HELB: variants seen among roughly 807,000 people sequenced by gnomAD.
HELB encodes DNA helicase B.
HELB carries 96 observed loss-of-function variants against 101.7 expected under a neutral mutation model. The observed-to-expected ratio is 0.94, with a 90% confidence interval of 0.80 to 1.12. HELB has a LOEUF of 1.12. HELB is among the 50% of genes most tolerant of loss of function. The probability of loss-of-function intolerance (pLI) is 0.00; values close to 1 mark genes in which losing one functional copy is unlikely to be tolerated. For synonymous variants in HELB, 437 were observed against 459.7 expected (o/e 0.95, Z 0.63); for missense variants, 1,210 against 1,291.9 (o/e 0.94, Z 0.97).
chr12:66,342,283 T>A (rs2137025281), downstream of HELB: 1 of 152,328 alleles, frequency 6.6e-6, no homozygotes, highest in Middle Eastern at 3.4e-3. Context: ...TTGAATTATC[T>A]TGGTACCCTT....
In HELB at chr12:66,331,596, A is replaced by C. The variant is rs143444957; in HGVS notation, c.3113A>C (p.Lys1038Thr). Residue 1038 changes from lysine (K) to threonine (T), a missense_variant, in exon 12 of 13, where the codon AAA becomes ACA. Lys to Thr is a moderately conservative substitution (Grantham distance 78). This residue lies in a region of HELB where 740 missense variants were observed against 728.8 expected (regional missense o/e 1.02). Transcript: ENST00000247815. ...DDDLPKSRAS[K>T]RTCGVNDDES... ...GATTTACCAAAATCGCGAGCATCCA[A>C]AAGAACCTGTGGTGTGAATGATGAT... 58 of 1,611,150 alleles carry C rather than the reference A, an allele frequency of 3.6e-5. No individual in the cohort carries two copies. In the African/African-American group the frequency reaches 7.1e-4, roughly 20 times the overall value.
Position 66,309,901 on chromosome 12 carries a change from C to T in HELB, c.973C>T (p.His325Tyr), listed in dbSNP as rs533284155. 27 of 1,613,898 alleles carry T rather than the reference C, an allele frequency of 1.7e-5. No individual in the cohort carries two copies. The highest frequency in any genetic ancestry group is 2.1e-5 in the Non-Finnish European group (25 of 1,179,888). Residue 325 changes from histidine (H) to tyrosine (Y), a missense_variant, in exon 4 of 13, where the codon CAT (histidine) becomes TAT (tyrosine). By Grantham distance (83) the His-to-Tyr change is moderately conservative (BLOSUM62 2). Transcript: ENST00000247815. The stretch of plus-strand genomic sequence containing the variant: ...TGACTTAACTTTGACATTGTCAAAT[C>T]ATATGTCATTTCATGCTGCTTCAGA... The part of the protein sequence containing the change: ...VNDLTLTLSN[H>Y]MSFHAASESL...
In HELB at chr12:66,331,430, G is replaced by A; in HGVS notation, c.2947G>A (p.Ala983Thr). 6.2e-7 allele frequency: 1 copy of A among 1,614,204 alleles called. No individual in the cohort carries two copies. Among genetic ancestry groups the A allele is most frequent in the Non-Finnish European group, 8.5e-7 (1 of 1,180,040 alleles). ...GDSGGPSTPS[A>T]SPLPVVTDHA... ...CAGTGGAGGACCCAGCACACCGTCAGCATCTCCACTCCCTGTAGTCACAGA... is the reference window on the plus strand; with the variant it reads ...CAGTGGAGGACCCAGCACACCGTCAACATCTCCACTCCCTGTAGTCACAGA... The change falls in exon 12 of 13, where the codon GCA (alanine) becomes ACA (threonine). Residue 983 changes from alanine (A) to threonine (T), a missense_variant. Physicochemically the swap from Ala to Thr is moderately conservative, Grantham distance 58. Around this residue, in one of 2 missense-constraint regions of HELB, gnomAD observed 740 missense variants for 728.8 expected, o/e 1.02. Coordinates refer to ENST00000247815, the MANE Select transcript of HELB (RefSeq NM_001370285.1).
chr12:66,334,798 A>AATAC (rs1470495000), intron 12 of HELB, among the ~76,000 whole-genome samples: 60 of 151,446 alleles, frequency 4.0e-4, no homozygotes, highest in African/African-American at 1.5e-3. Flanking sequence ...TAAATAAATA[A>AATAC]ATACATACAT....
intron 11 of HELB, among the ~76,000 whole-genome samples, chr12:66,328,908 G>T (rs894907718): frequency 6.6e-6 from 1 of 152,016 alleles, no homozygotes; most frequent in African/African-American, 2.4e-5. Flanking sequence ...ATTTTAAGCT[G>T]CATATATGAC....
intron 2 of HELB, among the ~76,000 whole-genome samples, chr12:66,306,115 T>G (rs554622033): frequency 9.8e-5 from 15 of 152,342 alleles, no homozygotes; most frequent in Admixed American, 2.0e-4. Context: ...AAATCATTAT[T>G]TAAGCATTTA....
rs566436252 is a variant in HELB at position 66,316,245 on chromosome 12, A to G, written c.2000+862A>G. Among the ~76,000 whole-genome samples the G allele has an allele frequency of 8.5e-5, 13 of 152,274 alleles. No individual in the cohort carries two copies. The South Asian group carries it at 2.7e-3, about 32-fold the overall frequency. On this transcript the variant is annotated intron_variant, in intron 6 of 12. Transcript: ENST00000247815. ...ATCCAGGTTTGTGTAAGTACACTCT[A>G]TGCTATTCACACGACGATGAACATT... is the stretch of plus-strand genomic sequence containing the variant.
intron 3 of HELB, among the ~76,000 whole-genome samples, chr12:66,307,856 G>A (rs1405131433): frequency 1.3e-5 from 2 of 150,396 alleles, no homozygotes; most frequent in Admixed American, 6.6e-5. Context: ...CTCAGCTCCC[G>A]AATAGCTGGG....
At chr12:66,340,767 G>A (rs114053637), downstream of HELB, 160 of 153,920 alleles carry the variant, frequency 1.0e-3, no homozygotes, top group Non-Finnish European at 1.9e-3. Context: ...TCCAGCACAG[G>A]AGAAGGATGT....
At chr12:66,336,643 A>T (rs750627746) in intron 12 of HELB, among the ~76,000 whole-genome samples, 9 of 152,164 alleles carry the variant, frequency 5.9e-5, no homozygotes, top group Non-Finnish European at 1.3e-4. Context: ...GGCACAGGGA[A>T]AACGTTCTCT....
At position 66,324,078 on chromosome 12, in the gene HELB, G is replaced by A. The variant is rs1298676821; in HGVS notation, c.2393G>A (p.Gly798Glu). ...GACTTACTACCTGAAAATATCTCTG[G>A]AAGTCAGCAAAATAATGATCTAGAT... The part of the protein sequence containing the change: ...LSDLLPENIS[G>E]SQQNNDLDAS... The change falls in exon 10 of 13, where the codon GGA (glycine) becomes GAA (glutamate). Residue 798 changes from glycine to glutamate, a missense_variant. By Grantham distance (98) the Gly-to-Glu change is moderately conservative. Coordinates refer to ENST00000247815, the MANE Select transcript of HELB (RefSeq NM_001370285.1). The A allele has an allele frequency of 4.3e-6, 7 of 1,613,568 alleles. No individual in the cohort carries two copies. The highest frequency in any genetic ancestry group is 8.5e-7 in the Non-Finnish European group (1 of 1,179,796).
chr12:66,335,399 T>G (rs1288916627), intron 12 of HELB, among the ~76,000 whole-genome samples: 1 of 151,350 alleles, frequency 6.6e-6, no homozygotes, highest in African/African-American at 2.4e-5. Flanking sequence ...GTGAGTGAGA[T>G]AGAAGGAAAA....
chr12:66,304,789 A>T lies in HELB; in HGVS notation c.246A>T (p.Ile82=). The T allele has an allele frequency of 6.2e-7, 1 of 1,614,086 alleles. No individual in the cohort carries two copies. The highest frequency in any genetic ancestry group is 8.5e-7 in the Non-Finnish European group (1 of 1,179,974). Residue 82 remains isoleucine (I), a synonymous_variant, in exon 2 of 13, where the codon ATA becomes ATT. Coordinates refer to ENST00000247815, the MANE Select transcript of HELB (RefSeq NM_001370285.1). ...ETCKVFGRFP[I]TGAWWRVKVQ... is the part of the protein sequence containing the mutation. ...GTAAAGTGTTTGGACGTTTTCCGAT[A>T]ACAGGTGCTTGGTGGAGAGTGAAGG...
Position 66,310,585 on chromosome 12 carries a change from C to T in HELB, c.1657C>T (p.Leu553Phe). The T allele has an allele frequency of 6.2e-7, 1 of 1,613,422 alleles. No individual in the cohort carries two copies. Among genetic ancestry groups the T allele is most frequent in the Non-Finnish European group, 8.5e-7 (1 of 1,179,802 alleles). ...TGGCTTACTAAGACAGAAAACTGGT[C>T]TTCATGCCTACACACTGTGTCAGGT... is the stretch of plus-strand genomic sequence containing the variant. ...AAGLLRQKTG[L>F]HAYTLCQVNY... The change falls in exon 4 of 13, where the codon CTT becomes TTT. Residue 553 changes from leucine (L) to phenylalanine (F), a missense_variant. Physicochemically the swap from Leu to Phe is conservative, Grantham distance 22. This residue lies in a region of HELB where 740 missense variants were observed against 728.8 expected (regional missense o/e 1.02). Coordinates refer to ENST00000247815, the MANE Select transcript of HELB (RefSeq NM_001370285.1).
Position 66,309,691 on chromosome 12 carries a change from C to T in HELB, c.778-15C>T, listed in dbSNP as rs767472134. ...TATGATGTTTATAAACCAACCTGAA[C>T]TTTATTTCTTAAAGATAACCTACAG... On this transcript the variant is annotated splice_polypyrimidine_tract_variant and intron_variant, in intron 3 of 12. Transcript: ENST00000247815. 2 of 1,546,922 alleles carry T rather than the reference C, an allele frequency of 1.3e-6. No homozygotes were observed. Among genetic ancestry groups the T allele is most frequent in the Non-Finnish European group, 1.7e-6 (2 of 1,144,718 alleles).
rs745741155 is a variant in HELB at position 66,331,118 on chromosome 12, T to C, written c.2671-36T>C. 10 of 1,553,898 alleles carry C rather than the reference T, an allele frequency of 6.4e-6. No individual in the cohort carries two copies. In the African/African-American group the frequency reaches 1.1e-4, roughly 17 times the overall value. ...CTGTAAACTGTCTGAACCTATTTTA[T>C]AGCATTTAGTCTTCACACCATATTT... On this transcript the variant is annotated intron_variant, in intron 11 of 12. Coordinates refer to ENST00000247815, the MANE Select transcript of HELB (RefSeq NM_001370285.1).
intron 11 of HELB, 152 bp downstream of exon 11, chr12:66,325,278 C>T (rs1403868427): frequency 3.6e-6 from 2 of 548,280 alleles, no homozygotes; most frequent in Non-Finnish European, 6.4e-6. Context: ...AAGACGCCAC[C>T]CTTTTGCTCT....
At chr12:66,332,560 A>G (rs1171137420) in intron 12 of HELB, among the ~76,000 whole-genome samples, 1 of 152,164 alleles carries the variant, frequency 6.6e-6, no homozygotes, top group East Asian at 1.9e-4. Context: ...GTCACTTGCC[A>G]CCATCTTAGT....
intron 8 of HELB, among the ~76,000 whole-genome samples, chr12:66,322,441 T>C (rs1203799602): frequency 6.6e-6 from 1 of 151,128 alleles, no homozygotes; most frequent in African/African-American, 2.4e-5. Flanking sequence ...GGCACACACC[T>C]GTAATCCCAG....
Sources: allele counts gnomAD v4.1 joint callset (sites outside exome capture counted in the v4.1 genomes callset), GRCh38; gene constraint gnomAD v4.1.1; regional missense constraint gnomAD v4.1.1; transcripts MANE v1.5; gene names NCBI Gene and HGNC (gene_info 2026-07-23, HGNC 2026-07-21).